Variants in ZNF618 observed in about 807,000 individuals in gnomAD.
The protein encoded by ZNF618 is neural precursor cell expressed, developmentally down-regulated 10.
Under a neutral mutation model 103.0 loss-of-function variants are expected in ZNF618, and 34 were observed. That is an observed-to-expected ratio of 0.33 (90% CI 0.25 to 0.44). The LOEUF is 0.44. Ranked by LOEUF, ZNF618 falls within the 20% of genes least tolerant of loss-of-function variation. ZNF618 has a pLI of 1.00. For missense variants in ZNF618, 1,059 were observed against 1,295.4 expected, an observed-to-expected ratio of 0.82 and a Z score of 2.80; for synonymous variants, 551 against 542.2, an observed-to-expected ratio of 1.02 and a Z score of -0.23.
chr9:114,007,480 C>T (rs747111560), intron 7 of ZNF618, 41 bp downstream of exon 7: 16 of 1,595,072 alleles, frequency 1.0e-5, no homozygotes, highest in African/African-American at 1.3e-5. Flanking sequence ...TGCCAAGAGG[C>T]GCCCTTCCTT....
At position 114,016,787 on chromosome 9, in the gene ZNF618, G is replaced by A; in HGVS notation, c.844+3G>A. On this transcript the variant is annotated splice_donor_region_variant and intron_variant, in intron 10 of 14. Coordinates refer to ENST00000374126, the MANE Select transcript of ZNF618 (RefSeq NM_001318042.2). ...TGTGGCCTTACACGCCCCCATCAGT[G>A]AGTACCTCCTCCCGGTAGGGATGGG... 6 of 1,611,094 alleles carry A rather than the reference G, an allele frequency of 3.7e-6. No individual in the cohort carries two copies. Among genetic ancestry groups the A allele is most frequent in the Non-Finnish European group, 5.1e-6 (6 of 1,178,190 alleles).
At position 114,049,852 on chromosome 9, in the gene ZNF618, C is replaced by T; in HGVS notation, c.2550C>T (p.Ala850=). 2 of 1,613,964 alleles carry T rather than the reference C, an allele frequency of 1.2e-6. No individual in the cohort carries two copies. The highest frequency in any genetic ancestry group is 1.7e-6 in the Non-Finnish European group (2 of 1,179,906). Residue 850 remains alanine (A), a synonymous_variant, in exon 15 of 15, where the codon GCC becomes GCT. Coordinates refer to ENST00000374126, the MANE Select transcript of ZNF618 (RefSeq NM_001318042.2). ...WAEEADFEPA[A]KKPRSAAVEN... is the part of the protein sequence containing the mutation. ...AGGAGGCCGACTTCGAGCCCGCTGC[C>T]AAGAAGCCCCGCTCTGCTGCCGTCG...
At chr9:113,894,046 C>T (rs1352900336) in intron 1 of ZNF618, among the ~76,000 whole-genome samples, 4 of 152,126 alleles carry the variant, frequency 2.6e-5, no homozygotes, top group Non-Finnish European at 5.9e-5. Flanking sequence ...CACAGTGCTC[C>T]AAGATGATTT....
intron 4 of ZNF618, among the ~76,000 whole-genome samples, chr9:113,999,918 G>A (rs1841011696): frequency 6.6e-6 from 1 of 152,218 alleles, no homozygotes; most frequent in African/African-American, 2.4e-5. Context: ...GTGGGTGGAG[G>A]CAGCAGGAAG....
At chr9:113,946,903 G>C (rs1185366410) in intron 1 of ZNF618, among the ~76,000 whole-genome samples, 1 of 152,172 alleles carries the variant, frequency 6.6e-6, no homozygotes. Context: ...CTTGTTTCCA[G>C]TTGGGCTCAC....
intron 1 of ZNF618, among the ~76,000 whole-genome samples, chr9:113,936,114 C>G (rs1415024867): frequency 6.6e-6 from 1 of 152,166 alleles, no homozygotes; most frequent in Non-Finnish European, 1.5e-5. Flanking sequence ...GCCTCCATGT[C>G]CTGTGCCACA....
chr9:113,880,335 C>T (rs1828399396), intron 1 of ZNF618, among the ~76,000 whole-genome samples: 1 of 152,108 alleles, frequency 6.6e-6, no homozygotes, highest in South Asian at 2.1e-4. Context: ...TTGGACAAAT[C>T]ACTTTTTCCT....
intron 1 of ZNF618, among the ~76,000 whole-genome samples, chr9:113,943,645 C>G (rs527601589): frequency 6.6e-6 from 1 of 151,298 alleles, no homozygotes; most frequent in Non-Finnish European, 1.5e-5. Context: ...TAAAACCTCC[C>G]AAAATTTCAA....
chr9:114,024,526 G>T (rs1843335088), intron 10 of ZNF618, among the ~76,000 whole-genome samples: 1 of 152,210 alleles, frequency 6.6e-6, no homozygotes, highest in East Asian at 1.9e-4. Context: ...TACTTCAAAA[G>T]CTGGTTTTTA....
intron 1 of ZNF618, among the ~76,000 whole-genome samples, chr9:113,902,372 C>T (rs775988710): frequency 3.3e-5 from 5 of 152,166 alleles, no homozygotes; most frequent in Non-Finnish European, 7.3e-5. Context: ...AAGTCATGTG[C>T]CACAAGTTAA....
chr9:114,027,592 T>A (rs560951109), intron 10 of ZNF618, among the ~76,000 whole-genome samples: 48 of 152,164 alleles, frequency 3.2e-4, no homozygotes, highest in African/African-American at 1.0e-3. Flanking sequence ...TTCTTTGGGC[T>A]GAGCTTCGCC....
intron 2 of ZNF618, among the ~76,000 whole-genome samples, chr9:113,987,862 C>T (rs1372567101): frequency 6.6e-6 from 1 of 151,652 alleles, no homozygotes; most frequent in Non-Finnish European, 1.5e-5. Context: ...AATCTCAGGC[C>T]CTACCCCAGA....
intron 9 of ZNF618, among the ~76,000 whole-genome samples, chr9:114,009,037 C>G (rs1300816134): frequency 6.6e-6 from 1 of 152,232 alleles, no homozygotes; most frequent in Non-Finnish European, 1.5e-5. Flanking sequence ...GGCAGACTCT[C>G]TGTCTCTGTC....
intron 3 of ZNF618, among the ~76,000 whole-genome samples, chr9:113,996,274 G>A (rs980933848): frequency 2.0e-5 from 3 of 152,172 alleles, no homozygotes; most frequent in Non-Finnish European, 4.4e-5. Flanking sequence ...TCTGAACAGT[G>A]GCTCCTGAGA....
chr9:113,905,878 CCTGCCCT>C (rs1402597556), intron 1 of ZNF618, among the ~76,000 whole-genome samples: 1 of 152,166 alleles, frequency 6.6e-6, no homozygotes, highest in African/African-American at 2.4e-5. Flanking sequence ...TTTTCCCCTC[CCTGCCCT>C]GCAGCTTGAT....
In ZNF618 at chr9:114,029,509, G is replaced by A. The variant is rs201888370; in HGVS notation, c.1084+537G>A. The stretch of plus-strand genomic sequence containing the variant: ...CCCCAACACAATGGCCATGTGGCAG[G>A]TGTCATTTCTCATTGTGATCACACT... On this transcript the variant is annotated intron_variant, in intron 11 of 14. Transcript: ENST00000374126. Among the ~76,000 whole-genome samples the A allele has an allele frequency of 2.2e-4, 34 of 152,194 alleles. No individual in the cohort carries two copies. The East Asian group carries it at 6.6e-3, about 29-fold the overall frequency.
intron 4 of ZNF618, among the ~76,000 whole-genome samples, chr9:113,999,981 A>G: frequency 6.6e-6 from 1 of 152,230 alleles, no homozygotes; most frequent in East Asian, 1.9e-4. Context: ...GCAAGACACC[A>G]TGGATTTATG....
rs1017222324 is a variant in ZNF618, at chr9:113,981,851, C to A, written c.78-6470C>A. Among the ~76,000 whole-genome samples the A allele has an allele frequency of 3.3e-5, 5 of 152,180 alleles. No homozygotes were observed. In the East Asian group the frequency reaches 9.6e-4, roughly 29 times the overall value. On this transcript the variant is annotated intron_variant, in intron 2 of 14. Transcript: ENST00000374126. Reference sequence around the variant, plus strand: ...CACTGAGTTCTTTCTGTGGGCCAGGCATTGTGCTAGGGCTGGGGATATAGA... The same window carrying A: ...CACTGAGTTCTTTCTGTGGGCCAGGAATTGTGCTAGGGCTGGGGATATAGA...
chr9:113,932,806 A>C (rs532573930), intron 1 of ZNF618, among the ~76,000 whole-genome samples: 7 of 152,252 alleles, frequency 4.6e-5, no homozygotes, highest in Admixed American at 3.3e-4. Context: ...GGTGAATTTT[A>C]AGATGCCTCT....
Sources: allele counts gnomAD v4.1 joint callset (sites outside exome capture counted in the v4.1 genomes callset), GRCh38; gene constraint gnomAD v4.1.1; transcripts MANE v1.5; gene names NCBI Gene and HGNC (gene_info 2026-07-23, HGNC 2026-07-21).